Variants in TBC1D16 observed in about 807,000 individuals in gnomAD.
TBC1D16 encodes CTD-2529O21.1.
In TBC1D16, 58 loss-of-function variants were observed where a neutral mutation model predicts 74.7. The observed-to-expected ratio is 0.78, with a 90% CI of 0.63 to 0.97. The LOEUF is 0.97. Among genes scored for constraint, TBC1D16 ranks in the 50% least tolerant of loss-of-function variants. The pLI is 0.00. For synonymous variants in TBC1D16, 493 were observed against 474.7 expected, an observed-to-expected ratio of 1.04 and a Z score of -0.50; for missense variants, 1,014 against 1,079.5, an observed-to-expected ratio of 0.94 and a Z score of 0.85.
Position 79,990,587 on chromosome 17 carries a change from T to C in TBC1D16, c.779+19573A>G, listed in dbSNP as rs1568616559. Among the ~76,000 whole-genome samples, 1 of 152,238 alleles carries C rather than the reference T, an allele frequency of 6.6e-6. No homozygotes were observed. Among genetic ancestry groups the C allele is most frequent in the African/African-American group, 2.4e-5 (1 of 41,454 alleles). ...GATTTTTCCTTCTCTCTGTTTATTG[T>C]GGTAAAATGTCCATAACATAAAATT... On this transcript the variant is annotated intron_variant, in intron 3 of 11. Transcript: ENST00000310924. This position sits in a 1 kb window ranked among gnomAD's most constrained non-coding sequence, Gnocchi z 4.8.
chr17:79,989,853 A>G (rs573190888), intron 3 of TBC1D16, among the ~76,000 whole-genome samples: 11 of 152,226 alleles, frequency 7.2e-5, no homozygotes, highest in African/African-American at 2.6e-4. Flanking sequence ...TGGCCACTCT[A>G]GCGCCAGCCC....
chr17:80,007,873 C>T lies in TBC1D16; in HGVS notation c.779+2287G>A, dbSNP rs1318112983. Among the ~76,000 whole-genome samples the T allele has an allele frequency of 1.3e-5, 2 of 152,034 alleles. No homozygotes were observed. Among genetic ancestry groups the T allele is most frequent in the Non-Finnish European group, 2.9e-5 (2 of 68,008 alleles). On this transcript the variant is annotated intron_variant, in intron 3 of 11. Transcript: ENST00000310924. This position sits in a 1 kb window ranked among gnomAD's most constrained non-coding sequence, Gnocchi z 4.5. ...CCAGATGGTGATGGGCCTTGGACCC[C>T]GAGTGAAGGAGATGGTGCTTCATCC...
intron 1 of TBC1D16, among the ~76,000 whole-genome samples, chr17:80,019,050 T>C (rs77434516): frequency 0.018 from 2,662 of 150,310 alleles, 61 homozygotes; most frequent in South Asian, 0.036. Flanking sequence ...CACCTCCTTC[T>C]GTGTTTCAAA....
rs1169310964 is a variant in TBC1D16 at position 79,971,161 on chromosome 17, T to C, written c.780-18343A>G. Among the ~76,000 whole-genome samples, 1 of 152,086 alleles carries C rather than the reference T, an allele frequency of 6.6e-6. No individual in the cohort carries two copies. The highest frequency in any genetic ancestry group is 1.5e-5 in the Non-Finnish European group (1 of 68,020). The stretch of plus-strand genomic sequence containing the variant: ...CCTCAGCCTCCTGAGTAGCTGGGAT[T>C]ACAGGCGTGCACCACCAAGCCCGGC... On this transcript the variant is annotated intron_variant, in intron 3 of 11. Transcript: ENST00000310924. The surrounding 1 kb of genome is among the most constrained non-coding windows in gnomAD (Gnocchi z 4.6).
chr17:79,953,367 A>C (rs149784541), intron 3 of TBC1D16, among the ~76,000 whole-genome samples: 21 of 152,376 alleles, frequency 1.4e-4, no homozygotes, highest in Admixed American at 6.5e-4. Context: ...AGTACTATTA[A>C]TAACATCATC....
In TBC1D16 at chr17:79,932,613, AG is replaced by A. The variant is rs1252980126; in HGVS notation, c.*8245del. ...CAATTCACATTGACTTGTAGCCACT[AG>A]GACCCTGTGTCTTTTTCTATTGTGC... On this transcript the variant is annotated 3_prime_UTR_variant, in exon 12 of 12. Coordinates refer to ENST00000310924, the MANE Select transcript of TBC1D16 (RefSeq NM_019020.4). The A allele has an allele frequency of 6.6e-6, 1 of 152,258 alleles. No homozygotes were observed. The highest frequency in any genetic ancestry group is 1.5e-5 in the Non-Finnish European group (1 of 68,058). 9.4% of individuals were successfully genotyped at this position (152,258 alleles called of 1,614,324 possible).
At chr17:79,952,604 A>T (rs1254890930) in intron 4 of TBC1D16, 53 bp downstream of exon 4, 2 of 1,542,016 alleles carry the variant, frequency 1.3e-6, no homozygotes, top group African/African-American at 2.7e-5. Context: ...CCAGGCTGCC[A>T]GGGAAAACAC....
intron 1 of TBC1D16, among the ~76,000 whole-genome samples, chr17:80,017,535 G>T (rs2036131412): frequency 6.6e-6 from 1 of 151,870 alleles, no homozygotes; most frequent in Non-Finnish European, 1.5e-5. Flanking sequence ...TACAAAATTA[G>T]CCGGGCGTGA....
chr17:80,023,566 G>C (rs1256481044), intron 1 of TBC1D16, among the ~76,000 whole-genome samples: 2 of 149,966 alleles, frequency 1.3e-5, no homozygotes, highest in Non-Finnish European at 2.9e-5. Flanking sequence ...CACTTAGAGC[G>C]CACAGCCCAC....
intron 3 of TBC1D16, among the ~76,000 whole-genome samples, chr17:79,969,848 A>G (rs2034003096): frequency 6.6e-6 from 1 of 152,212 alleles, no homozygotes; most frequent in Non-Finnish European, 1.5e-5. Flanking sequence ...AGGCCGAGGC[A>G]GGAGAATCGC....
chr17:79,980,174 C>T lies in TBC1D16; in HGVS notation c.780-27356G>A, dbSNP rs1473235317. 6.6e-6 allele frequency among the ~76,000 whole-genome samples: 1 copy of T among 152,198 alleles called. No individual in the cohort carries two copies. Among genetic ancestry groups the T allele is most frequent in the African/African-American group, 2.4e-5 (1 of 41,452 alleles). ...CCAGGCTGGTGGCTTCCCAACTTTT[C>T]CGTGACGTTCCCCTAGGCAATTTAA... On this transcript the variant is annotated intron_variant, in intron 3 of 11. Transcript: ENST00000310924. This position sits in a 1 kb window ranked among gnomAD's most constrained non-coding sequence, Gnocchi z 7.0.
intron 1 of TBC1D16, among the ~76,000 whole-genome samples, chr17:80,015,069 T>C (rs545695497): frequency 6.6e-6 from 1 of 152,174 alleles, no homozygotes; most frequent in South Asian, 2.1e-4. Context: ...CCAACTAGAC[T>C]TCTATACACA....
intron 3 of TBC1D16, among the ~76,000 whole-genome samples, chr17:79,984,619 G>GGGAAGGAAGGAAGGAAGGAAGGAAGGAA (rs1491290219): frequency 3.6e-4 from 37 of 102,526 alleles, no homozygotes; most frequent in African/African-American, 1.2e-3. Flanking sequence ...GAGGGAGGGA[G>GGGAAGGAAGGAAGGAAGGAAGGAAGGAA]TGAAGGAAGG....
intron 4 of TBC1D16, among the ~76,000 whole-genome samples, chr17:79,951,809 T>C (rs556243053): frequency 6.6e-6 from 1 of 152,188 alleles, no homozygotes; most frequent in South Asian, 2.1e-4. Context: ...TGCTCCTTCC[T>C]GGGGGGCCCT....
Position 80,010,502 on chromosome 17 carries a change from T to A in TBC1D16, c.437A>T (p.Gln146Leu), listed in dbSNP as rs752733252. Reference sequence around the variant, plus strand: ...GGCGAGCATGCGGTCTGGAACACTCTGGGCCACCACCAGGATGTCCTCATC... The same window carrying A: ...GGCGAGCATGCGGTCTGGAACACTCAGGGCCACCACCAGGATGTCCTCATC... ...PKDEDILVVAQSVPDRMLASP... is the reference protein window; with the variant it reads ...PKDEDILVVALSVPDRMLASP... Residue 146 changes from glutamine to leucine, a missense_variant, in exon 3 of 12, where the codon CAG becomes CTG. By Grantham distance (113) the Gln-to-Leu change is moderately radical. Transcript: ENST00000310924. This position sits in a 1 kb window ranked among gnomAD's most constrained non-coding sequence, Gnocchi z 8.8. The A allele has an allele frequency of 6.2e-7, 1 of 1,611,084 alleles. No homozygotes were observed. Among genetic ancestry groups the A allele is most frequent in the East Asian group, 2.2e-5 (1 of 44,758 alleles).
Position 79,990,941 on chromosome 17 carries a change from G to T in TBC1D16, c.779+19219C>A, listed in dbSNP as rs61080624. Among the ~76,000 whole-genome samples the T allele has an allele frequency of 6.6e-6, 1 of 152,208 alleles. No individual in the cohort carries two copies. The highest frequency in any genetic ancestry group is 1.5e-5 in the Non-Finnish European group (1 of 68,034). On this transcript the variant is annotated intron_variant, in intron 3 of 11. Transcript: ENST00000310924. The surrounding 1 kb of genome is among the most constrained non-coding windows in gnomAD (Gnocchi z 4.8). ...TTGCCTTCCCAAGGCTGAACGTTCC[G>T]CTGGGTGTGTGTGGAACATGTGTGT...
At chr17:79,949,938 G>A (rs2032908908) in intron 6 of TBC1D16, 73 bp from the exon 7 acceptor site, 1 of 1,528,156 alleles carries the variant, frequency 6.5e-7, no homozygotes, top group African/African-American at 1.4e-5. Flanking sequence ...CCCCAGAGAT[G>A]TGTGTTTTGG....
rs2035473233 is a variant in TBC1D16, at chr17:80,001,206, G to A, written c.779+8954C>T. Among the ~76,000 whole-genome samples the A allele has an allele frequency of 6.6e-6, 1 of 152,218 alleles. No individual in the cohort carries two copies. The highest frequency in any genetic ancestry group is 1.9e-4 in the East Asian group (1 of 5,198). On this transcript the variant is annotated intron_variant, in intron 3 of 11. Transcript: ENST00000310924. This position sits in a 1 kb window ranked among gnomAD's most constrained non-coding sequence, Gnocchi z 5.8. ...CGTAACAGCTTCCCTCAGACCCCTG[G>A]CATCGGCCACTCTCTGGGTGCAGGC...
chr17:80,024,938 C>CT, intron 1 of TBC1D16, among the ~76,000 whole-genome samples: 1 of 109,078 alleles, frequency 9.2e-6, no homozygotes. Context: ...ACACACACAC[C>CT]ACACACACCA....
Sources: allele counts gnomAD v4.1 joint callset (sites outside exome capture counted in the v4.1 genomes callset), GRCh38; gene constraint gnomAD v4.1.1; non-coding constraint Gnocchi (gnomAD v3.1); transcripts MANE v1.5; gene names NCBI Gene and HGNC (gene_info 2026-07-23, HGNC 2026-07-21).